Variants in JSRP1 observed in about 807,000 individuals in gnomAD.
The protein encoded by JSRP1 is 2310032K21Rik.
JSRP1 carries 29 observed loss-of-function variants against 21.4 expected under a neutral mutation model. The ratio of observed to expected loss-of-function variants is 1.36; its 90% CI spans 1.01 to 1.85. The LOEUF is 1.85. Ranked by LOEUF, JSRP1 falls within the 40% of genes most tolerant of loss-of-function variation. JSRP1 has a pLI of 0.00. For missense variants in JSRP1, 531 were observed against 461.5 expected (o/e 1.15, Z -1.38); for synonymous variants, 221 against 206.1 (o/e 1.07, Z -0.62).
Position 2,252,958 on chromosome 19 carries a change from G to A in JSRP1, c.482C>T (p.Pro161Leu). Residue 161 changes from proline to leucine, a missense_variant, in exon 6 of 7, where the codon CCC (proline) becomes CTC (leucine). Pro to Leu is a moderately conservative substitution (Grantham distance 98). Transcript: ENST00000300961. ...EAALQARVPE[P>L]WVPPSSAPRE... Reference sequence around the variant, plus strand: ...CGGGGCTGAGCTTGGCGGGACCCAGGGCTCGGGCACACGTGCTTGGAGTGC... The same window carrying A: ...CGGGGCTGAGCTTGGCGGGACCCAGAGCTCGGGCACACGTGCTTGGAGTGC... The A allele has an allele frequency of 6.2e-7, 1 of 1,609,896 alleles. No homozygotes were observed. Among genetic ancestry groups the A allele is most frequent in the Admixed American group, 1.7e-5 (1 of 59,648 alleles).
At chr19:2,252,870 T>C (rs2025081787) in intron 6 of JSRP1, 42 bp downstream of exon 6, 1 of 1,593,908 alleles carries the variant, frequency 6.3e-7, no homozygotes, top group Admixed American at 1.7e-5. Flanking sequence ...TCCTTGGGGA[T>C]GAAGGTCCCA....
rs753505077 is a variant in JSRP1 at position 2,255,241 on chromosome 19, G to C, written c.74C>G (p.Ser25Cys). ...LGSCQALEDH[S>C]ALAETQEDRA... ...GTCCTCCTGGGTCTCGGCCAGCGCAGAGTGGTCCTCCAGGGCCTGGCAGCT... is the reference window on the plus strand; with the variant it reads ...GTCCTCCTGGGTCTCGGCCAGCGCACAGTGGTCCTCCAGGGCCTGGCAGCT... The change falls in exon 2 of 7, where the codon TCT (serine) becomes TGT (cysteine). Residue 25 changes from serine (S) to cysteine (C), a missense_variant. Coordinates refer to ENST00000300961, the MANE Select transcript of JSRP1 (RefSeq NM_144616.4). 5 of 1,611,532 alleles carry C rather than the reference G, an allele frequency of 3.1e-6. No individual in the cohort carries two copies. Among genetic ancestry groups the C allele is most frequent in the Admixed American group, 1.7e-5 (1 of 59,942 alleles).
At position 2,254,254 on chromosome 19, in the gene JSRP1, C is replaced by T. The variant is rs1253944171; in HGVS notation, c.195G>A (p.Lys65=). Residue 65 remains lysine (K), a synonymous_variant, in exon 4 of 7, where the codon AAG becomes AAA. Transcript: ENST00000300961. The part of the protein sequence containing the change: ...EGPSVDTRPK[K]MEKEPAARGT... ...CCCTGGCGGCAGGCTCTTTTTCCAT[C>T]TTCTTGGGCCTGGTGTCCACACTGG... 14 of 1,604,120 alleles carry T rather than the reference C, an allele frequency of 8.7e-6. No homozygotes were observed. The highest frequency in any genetic ancestry group is 1.2e-5 in the Non-Finnish European group (14 of 1,175,682).
chr19:2,254,385 C>G (rs959080692), intron 3 of JSRP1, 60 bp downstream of exon 3: 1 of 1,608,070 alleles, frequency 6.2e-7, no homozygotes, highest in Non-Finnish European at 8.5e-7. Context: ...CTCCCTTGGT[C>G]GGCTTGTCCC....
rs1193791483 is a variant in JSRP1 at position 2,252,803 on chromosome 19, G to A, written c.529-7C>T. On this transcript the variant is annotated splice_region_variant and splice_polypyrimidine_tract_variant and intron_variant, in intron 6 of 6. Transcript: ENST00000300961. Reference sequence around the variant, plus strand: ...CCTGGGCCTCGAACTTAGGCTGCAAGACAGAGTGGGGTCCTGGGGTAAGCG... The same window carrying A: ...CCTGGGCCTCGAACTTAGGCTGCAAAACAGAGTGGGGTCCTGGGGTAAGCG... The A allele has an allele frequency of 1.9e-6, 3 of 1,609,174 alleles. No individual in the cohort carries two copies. The East Asian group carries it at 6.7e-5, about 36-fold the overall frequency.
chr19:2,252,861 C>T, intron 6 of JSRP1, 51 bp downstream of exon 6: 1 of 1,597,446 alleles, frequency 6.3e-7, no homozygotes, highest in Non-Finnish European at 8.5e-7. Context: ...CTCCTTCTTT[C>T]CTTGGGGATG....
In JSRP1 at chr19:2,255,226, G is replaced by A. The variant is rs769926197; in HGVS notation, c.89C>T (p.Thr30Ile). Residue 30 changes from threonine to isoleucine, a missense_variant, in exon 2 of 7, where the codon ACC becomes ATC. Transcript: ENST00000300961. ...GGTACCTGAAGCCCTGTCCTCCTGG[G>A]TCTCGGCCAGCGCAGAGTGGTCCTC... ...ALEDHSALAE[T>I]QEDRASATPR... is the part of the protein sequence containing the mutation. 4.0e-5 allele frequency: 64 copies of A among 1,606,406 alleles called. No individual in the cohort carries two copies. The highest frequency in any genetic ancestry group is 5.3e-5 in the Non-Finnish European group (62 of 1,175,124).
At chr19:2,253,348 A>G (rs1305859249) in intron 5 of JSRP1, among the ~76,000 whole-genome samples, 3 of 152,104 alleles carry the variant, frequency 2.0e-5, no homozygotes, top group African/African-American at 7.2e-5. Context: ...GAACGCTACG[A>G]GGCAGGAGGG....
In JSRP1 at chr19:2,253,576, G is replaced by A. The variant is rs2025097344; in HGVS notation, c.436+44C>T. The A allele has an allele frequency of 5.0e-6, 7 of 1,401,198 alleles. No homozygotes were observed. In the East Asian group the frequency reaches 1.5e-4, roughly 30 times the overall value. 86.8% of individuals were successfully genotyped at this position (1,401,198 alleles called of 1,614,324 possible). On this transcript the variant is annotated intron_variant, in intron 5 of 6. Transcript: ENST00000300961. ...CTTTCCTTGGAGGAATAGGCGCACA[G>A]GTGGACCCCAGCCTCGCCCCACCTC...
In JSRP1 at chr19:2,252,595, T is replaced by C. The variant is rs371074606; in HGVS notation, c.730A>G (p.Lys244Glu). Reference sequence around the variant, plus strand: ...TTCCGCGGCTTCTCCTTCCGCGGCTTCCCCTCTCTCCGAGGCCTCTCCTTG... The same window carrying C: ...TTCCGCGGCTTCTCCTTCCGCGGCTCCCCCTCTCTCCGAGGCCTCTCCTTG... The part of the protein sequence containing the change: ...GPKERPRREG[K>E]PRKEKPRKEE... The change falls in exon 7 of 7, where the codon AAG (lysine) becomes GAG (glutamate). Residue 244 changes from lysine (K) to glutamate (E), a missense_variant. Coordinates refer to ENST00000300961, the MANE Select transcript of JSRP1 (RefSeq NM_144616.4). 1.2e-6 allele frequency: 2 copies of C among 1,612,492 alleles called. No homozygotes were observed. Among genetic ancestry groups the C allele is most frequent in the African/African-American group, 2.7e-5 (2 of 74,848 alleles).
In JSRP1 at chr19:2,253,797, CG is replaced by C; in HGVS notation, c.263-5del. ...CGCGCGGGGACGCTCCGAGGGCCTG[CG>C]GGGGCAAGTGCGCGCTGCGCTGTGG... On this transcript the variant is annotated splice_region_variant and splice_polypyrimidine_tract_variant and intron_variant, in intron 4 of 6. Transcript: ENST00000300961. 7.2e-7 allele frequency: 1 copy of C among 1,385,396 alleles called. No homozygotes were observed. Among genetic ancestry groups the C allele is most frequent in the South Asian group, 1.7e-5 (1 of 59,394 alleles). The allele number at this position is 1,385,396 out of a possible 1,614,324, so 85.8% of individuals were successfully genotyped here.
chr19:2,252,538 T>G lies in JSRP1; in HGVS notation c.787A>C (p.Lys263Gln), dbSNP rs2145035170. ...CTGGCGGCCCGTGGCCTCTCCTCTTTCCGCGGCCTCTCTTTCTTAGGTCTC... is the reference window on the plus strand; with the variant it reads ...CTGGCGGCCCGTGGCCTCTCCTCTTGCCGCGGCCTCTCTTTCTTAGGTCTC... ...EERPKKERPR[K>Q]EERPRAAREP... The change falls in exon 7 of 7, where the codon AAA (lysine) becomes CAA (glutamine). Residue 263 changes from lysine (K) to glutamine (Q), a missense_variant. By Grantham distance (53) the Lys-to-Gln change is moderately conservative. Coordinates refer to ENST00000300961, the MANE Select transcript of JSRP1 (RefSeq NM_144616.4). 1 of 1,612,818 alleles carries G rather than the reference T, an allele frequency of 6.2e-7. No homozygotes were observed. Among genetic ancestry groups the G allele is most frequent in the Non-Finnish European group, 8.5e-7 (1 of 1,179,902 alleles).
intron 4 of JSRP1, 59 bp from the exon 5 acceptor site, chr19:2,253,852 G>A (rs1475329317): frequency 2.2e-6 from 3 of 1,333,814 alleles, no homozygotes; most frequent in African/African-American, 1.6e-5. Context: ...CCCCTTCCCC[G>A]GGCGCAGGGG....
At chr19:2,255,122 G>C (rs2025128193) in intron 2 of JSRP1, 84 bp downstream of exon 2, 14 of 866,046 alleles carry the variant, frequency 1.6e-5, no homozygotes, top group Middle Eastern at 2.3e-4. Context: ...GGGAGGCTAA[G>C]AAGCTCTAGT....
Position 2,252,755 on chromosome 19 carries a change from C to T in JSRP1, c.570G>A (p.Ala190=). 1 of 1,612,424 alleles carries T rather than the reference C, an allele frequency of 6.2e-7. No individual in the cohort carries two copies. The highest frequency in any genetic ancestry group is 1.1e-5 in the South Asian group (1 of 91,056). ...EAQAPPSAPP[A]PRAEAEVRPK... is the part of the protein sequence containing the mutation. ...GTCTGACCTCTGCCTCGGCCCGGGG[C>T]GCAGGCGGCGCTGATGGAGGCGCCT... Residue 190 remains alanine, a synonymous_variant, in exon 7 of 7, where the codon GCG becomes GCA. Transcript: ENST00000300961.
At position 2,252,455 on chromosome 19, in the gene JSRP1, C is replaced by A. The variant is rs1378946091; in HGVS notation, c.870G>T (p.Pro290=). 1 of 1,611,394 alleles carries A rather than the reference C, an allele frequency of 6.2e-7. No homozygotes were observed. The highest frequency in any genetic ancestry group is 8.5e-7 in the Non-Finnish European group (1 of 1,179,712). ...CGGCGTCCCTGGAGTCCCGTGCCCACGGCCGGTGGCCCCCTTCGCGTGACT... is the reference window on the plus strand; with the variant it reads ...CGGCGTCCCTGGAGTCCCGTGCCCAAGGCCGGTGGCCCCCTTCGCGTGACT... ...RWESREGGHR[P]WARDSRDAEP... is the part of the protein sequence containing the mutation. Residue 290 remains proline, a synonymous_variant, in exon 7 of 7, where the codon CCG becomes CCT. Transcript: ENST00000300961.
In JSRP1 at chr19:2,252,327, G is replaced by A. The variant is rs775204047; in HGVS notation, c.*2C>T. On this transcript the variant is annotated 3_prime_UTR_variant, in exon 7 of 7. Coordinates refer to ENST00000300961, the MANE Select transcript of JSRP1 (RefSeq NM_144616.4). ...GCCCCTGGACTCCGGCGCGGGGCCG[G>A]CTCAGTCCCGCCCCTTGCCTGCGCG... The A allele has an allele frequency of 4.8e-6, 7 of 1,470,548 alleles. No individual in the cohort carries two copies. In the Admixed American group the frequency reaches 1.0e-4, roughly 22 times the overall value. 91.1% of individuals were successfully genotyped at this position (1,470,548 alleles called of 1,614,324 possible). A position where few individuals can be genotyped will look rare whatever the true frequency, so the allele number is the denominator to read the frequency against.
chr19:2,254,476 G>GGTA lies in JSRP1; in HGVS notation c.115_116insTAC (p.Thr38_Pro39insLeu). The GGTA allele has an allele frequency of 6.2e-7, 1 of 1,612,704 alleles. No individual in the cohort carries two copies. Among genetic ancestry groups the GGTA allele is most frequent in the Non-Finnish European group, 8.5e-7 (1 of 1,179,962 alleles). On this transcript the variant is annotated inframe_insertion, in exon 3 of 7. Coordinates refer to ENST00000300961, the MANE Select transcript of JSRP1 (RefSeq NM_144616.4). ...CACGCTGCCGGAGTCGGCCAGCCTG[G>GGTA]GTGTCGCTGTGGGAACACAGGCAGA...
rs145784563 is a variant in JSRP1, at chr19:2,252,671, G to A, written c.654C>T (p.Ala218=). The A allele has an allele frequency of 1.7e-4, 266 of 1,612,024 alleles. No individual in the cohort carries two copies. Among genetic ancestry groups the A allele is most frequent in the Non-Finnish European group, 2.1e-4 (244 of 1,179,936 alleles). Residue 218 remains alanine, a synonymous_variant, in exon 7 of 7, where the codon GCC becomes GCT. Coordinates refer to ENST00000300961, the MANE Select transcript of JSRP1 (RefSeq NM_144616.4). ...GGTCCTCCCGGACGGCCTCTCCGGT[G>A]GCCTCGCCGGGCTCCTCTTCGTCGT... ...AENDEEEPGE[A]TGEAVREDRV...
Sources: allele counts gnomAD v4.1 joint callset (sites outside exome capture counted in the v4.1 genomes callset), GRCh38; gene constraint gnomAD v4.1.1; transcripts MANE v1.5; gene names NCBI Gene and HGNC (gene_info 2026-07-23, HGNC 2026-07-21).